GABBR2: variants seen among roughly 807,000 people sequenced by gnomAD.
GABBR2 encodes G-protein coupled receptor 51.
GABBR2 carries 23 observed loss-of-function variants against 105.6 expected under a neutral mutation model. The ratio of observed to expected loss-of-function variants is 0.22; its 90% confidence interval spans 0.16 to 0.31. The LOEUF is 0.31. Ranked by LOEUF, GABBR2 falls within the 10% of genes least tolerant of loss-of-function variation. The pLI, the probability that GABBR2 is intolerant of heterozygous loss-of-function variation, is 1.00. For synonymous variants in GABBR2, 478 were observed against 499.7 expected, an observed-to-expected ratio of 0.96 and a Z score of 0.58; for missense variants, 734 against 1,245.5, an observed-to-expected ratio of 0.59 and a Z score of 6.18.
intron 13 of GABBR2, among the ~76,000 whole-genome samples, chr9:98,349,813 G>A (rs1831365753): frequency 6.6e-6 from 1 of 152,168 alleles, no homozygotes; most frequent in African/African-American, 2.4e-5. Context: ...TTTTGGAATA[G>A]TTTGAGAAGA....
At chr9:98,707,994 C>T (rs566815552) in intron 1 of GABBR2, among the ~76,000 whole-genome samples, 4 of 152,358 alleles carry the variant, frequency 2.6e-5, no homozygotes, top group African/African-American at 9.6e-5. Flanking sequence ...GCGGCCCCTC[C>T]GGCCCTGGGT....
intron 2 of GABBR2, among the ~76,000 whole-genome samples, chr9:98,556,244 G>A (rs1828581726): frequency 6.6e-6 from 1 of 152,162 alleles, no homozygotes; most frequent in South Asian, 2.1e-4. Context: ...GCTTGCCAAG[G>A]AGGCCTGAGA....
At chr9:98,698,377 A>T (rs1403324833) in intron 1 of GABBR2, among the ~76,000 whole-genome samples, 1 of 152,230 alleles carries the variant, frequency 6.6e-6, no homozygotes, top group Admixed American at 6.5e-5. Flanking sequence ...TCAGAAAGGT[A>T]GAAAATCGGC....
chr9:98,329,343 T>C (rs545306223), intron 13 of GABBR2, among the ~76,000 whole-genome samples: 131 of 152,328 alleles, frequency 8.6e-4, no homozygotes, highest in African/African-American at 3.0e-3. Flanking sequence ...CTTAGATTTC[T>C]TGGGTCGTTT....
intron 7 of GABBR2, among the ~76,000 whole-genome samples, chr9:98,414,890 T>C (rs578224221): frequency 2.0e-5 from 3 of 152,160 alleles, no homozygotes; most frequent in Middle Eastern, 3.4e-3. Flanking sequence ...TAAGGAACAG[T>C]GGGGACATGA....
At chr9:98,332,479 C>T (rs1399488869) in intron 13 of GABBR2, among the ~76,000 whole-genome samples, 1 of 152,146 alleles carries the variant, frequency 6.6e-6, no homozygotes, top group Non-Finnish European at 1.5e-5. Flanking sequence ...AATGAACTTC[C>T]CCTATGGGCA....
intron 2 of GABBR2, among the ~76,000 whole-genome samples, chr9:98,565,639 C>A (rs766083216): frequency 9.9e-5 from 15 of 152,166 alleles, no homozygotes; most frequent in Admixed American, 9.8e-4. Flanking sequence ...GTGACTATGT[C>A]CTTGAGTGGA....
rs1166708543 is a variant in GABBR2 at position 98,293,778 on chromosome 9, T to G, written c.2660+7A>C. ...TCAGTTATAATTCTCAAGGAGAAGG[T>G]ACTTACTGTTCTGGAGAGTTTATAT... On this transcript the variant is annotated splice_region_variant and intron_variant, in intron 18 of 18. Transcript: ENST00000259455. 7.2e-7 allele frequency: 1 copy of G among 1,383,246 alleles called. No homozygotes were observed. Among genetic ancestry groups the G allele is most frequent in the African/African-American group, 1.5e-5 (1 of 68,756 alleles). 85.7% of individuals were successfully genotyped at this position (1,383,246 alleles called of 1,614,324 possible). A position where few individuals can be genotyped will look rare whatever the true frequency, so the allele number is the denominator to read the frequency against.
chr9:98,700,979 A>G (rs536652773), intron 1 of GABBR2, among the ~76,000 whole-genome samples: 58 of 152,174 alleles, frequency 3.8e-4, no homozygotes, highest in Non-Finnish European at 4.4e-4. Flanking sequence ...GTGTTAAGCA[A>G]TTGAGATTTC....
intron 8 of GABBR2, among the ~76,000 whole-genome samples, 180 bp from the exon 9 acceptor site, chr9:98,394,435 T>C (rs1832250721): frequency 6.6e-6 from 1 of 152,202 alleles, no homozygotes; most frequent in Non-Finnish European, 1.5e-5. Flanking sequence ...GCTGGAACAT[T>C]CTCTTGCATT....
chr9:98,335,906 T>A (rs4631577), intron 13 of GABBR2, among the ~76,000 whole-genome samples: 1 of 151,960 alleles, frequency 6.6e-6, no homozygotes, highest in Non-Finnish European at 1.5e-5. Context: ...CCAACATATA[T>A]TGAGCTGTGT....
At chr9:98,492,886 G>A (rs773854967) in intron 4 of GABBR2, among the ~76,000 whole-genome samples, 4 of 152,166 alleles carry the variant, frequency 2.6e-5, no homozygotes, top group Non-Finnish European at 5.9e-5. Context: ...GGGAACGTTT[G>A]TCAGGTTTCT....
intron 11 of GABBR2, among the ~76,000 whole-genome samples, chr9:98,377,369 T>C (rs1357298775): frequency 6.6e-6 from 1 of 152,138 alleles, no homozygotes; most frequent in Non-Finnish European, 1.5e-5. Flanking sequence ...GAGAATTCTG[T>C]GGGCAAGTAT....
chr9:98,513,020 A>G (rs1304304136), intron 3 of GABBR2, among the ~76,000 whole-genome samples: 1 of 152,146 alleles, frequency 6.6e-6, no homozygotes, highest in Non-Finnish European at 1.5e-5. Flanking sequence ...ACAAGGCTAC[A>G]GTAACCAAAA....
chr9:98,336,890 T>G (rs1211283297), intron 13 of GABBR2, among the ~76,000 whole-genome samples: 1 of 152,084 alleles, frequency 6.6e-6, no homozygotes, highest in East Asian at 1.9e-4. Flanking sequence ...AGGTTGAAAG[T>G]CTATCCGAGA....
At chr9:98,499,584 T>A (rs1827360014) in intron 3 of GABBR2, among the ~76,000 whole-genome samples, 1 of 152,232 alleles carries the variant, frequency 6.6e-6, no homozygotes, top group Admixed American at 6.5e-5. Flanking sequence ...AATGGCATTT[T>A]AAAGTGACAA....
intron 2 of GABBR2, among the ~76,000 whole-genome samples, chr9:98,558,858 G>A (rs1489800636): frequency 1.3e-5 from 2 of 152,210 alleles, no homozygotes; most frequent in Non-Finnish European, 2.9e-5. Context: ...GCTGCTGATA[G>A]GGTATCTCCA....
In GABBR2 at chr9:98,480,986, C is replaced by T; in HGVS notation, c.744G>A (p.Val248=). 2.5e-6 allele frequency: 4 copies of T among 1,601,270 alleles called. No homozygotes were observed. The highest frequency in any genetic ancestry group is 3.4e-6 in the Non-Finnish European group (4 of 1,168,328). ...GGTCAAACTGGCCAAGGATGATCCG[C>T]ACATCATTCCCCTGTGGATGGAAGG... ...TSVKKLKGND[V]RIILGQFDQN... is the part of the protein sequence containing the mutation. The change falls in exon 5 of 19, where the codon GTG becomes GTA. Residue 248 remains valine (V), a synonymous_variant. Coordinates refer to ENST00000259455, the MANE Select transcript of GABBR2 (RefSeq NM_005458.8).
chr9:98,604,154 A>G (rs1039960373), intron 1 of GABBR2, among the ~76,000 whole-genome samples: 2 of 152,208 alleles, frequency 1.3e-5, no homozygotes, highest in African/African-American at 4.8e-5. Flanking sequence ...AGACCTACCA[A>G]ACCGGAATCT....
Sources: gnomAD v4.1 joint callset for allele counts (sites outside exome capture counted in the v4.1 genomes callset) on GRCh38, gnomAD v4.1.1 for gene constraint, MANE v1.5 for transcripts, NCBI Gene and HGNC (gene_info 2026-07-23, HGNC 2026-07-21) for gene names.